The following KLHL4 variants were observed in gnomAD, a reference collection of about 807,000 sequenced individuals.
The protein encoded by KLHL4 is kelch like family member 4.
KLHL4 carries 17 observed loss-of-function variants against 45.8 expected under a neutral mutation model. That is an observed-to-expected ratio of 0.37 (90% CI 0.25 to 0.56). The LOEUF (loss-of-function observed/expected upper bound fraction) is 0.56, where lower values mean the gene tolerates loss of function less well. Ranked by LOEUF, KLHL4 falls within the 20% of genes least tolerant of loss-of-function variation. The probability of loss-of-function intolerance (pLI) is 0.79; values close to 1 mark genes in which losing one functional copy is unlikely to be tolerated. For synonymous variants in KLHL4, 224 were observed against 189.9 expected (o/e 1.18, Z -1.47); for missense variants, 544 against 544.9 (o/e 1.00, Z 0.02).
chrX:87,548,625 G>A (rs1354785808), intron 1 of KLHL4, among the ~76,000 whole-genome samples: 2 of 110,449 alleles, frequency 1.8e-5, no homozygotes, highest in Non-Finnish European at 1.9e-5. Context: ...TAAAAAGTTG[G>A]GGGATGAAGT....
intron 1 of KLHL4, among the ~76,000 whole-genome samples, chrX:87,545,489 C>G (rs1316222751): frequency 2.0e-5 from 2 of 98,864 alleles, no homozygotes; most frequent in African/African-American, 3.8e-5. Flanking sequence ...CCTGCCTCCC[C>G]CTCTGACATG....
Position 87,669,529 on chromosome X carries a change from A to G in KLHL4, c.*2995A>G. ...TTCCAAATGCAATATAGAAAAAAAA[A>G]CCCTGTGACTCTGGATTTTATTTTA... On this transcript the variant is annotated 3_prime_UTR_variant, in exon 11 of 11. Coordinates refer to ENST00000373119, the MANE Select transcript of KLHL4 (RefSeq NM_019117.5). The G allele has an allele frequency of 1.3e-6, 1 of 756,797 alleles. No homozygotes were observed. Among genetic ancestry groups the G allele is most frequent in the Non-Finnish European group, 1.8e-6 (1 of 552,709 alleles). 62.4% of individuals were successfully genotyped at this position (756,797 alleles called of 1,213,427 possible).
chrX:87,646,414 CA>C (rs1363263473), intron 9 of KLHL4, among the ~76,000 whole-genome samples: 1 of 110,850 alleles, frequency 9.0e-6, no homozygotes, highest in Non-Finnish European at 1.9e-5. Flanking sequence ...CCTATGAAAC[CA>C]AAAAAGAGCC....
At chrX:87,619,007 T>C (rs915497928) in intron 4 of KLHL4, among the ~76,000 whole-genome samples, 8 of 111,772 alleles carry the variant, frequency 7.2e-5, no homozygotes, top group Non-Finnish European at 1.3e-4. Flanking sequence ...ACAGAGGATA[T>C]TCAATAAAGC....
At chrX:87,611,466 T>C (rs757342934) in intron 1 of KLHL4, among the ~76,000 whole-genome samples, 7 of 110,734 alleles carry the variant, frequency 6.3e-5, no homozygotes, top group Non-Finnish European at 1.1e-4. Context: ...TAAGATTATA[T>C]GGGAGCTGAA....
chrX:87,633,453 C>T (rs1376560823), intron 7 of KLHL4, among the ~76,000 whole-genome samples: 2 of 111,063 alleles, frequency 1.8e-5, no homozygotes, highest in Non-Finnish European at 1.9e-5. Context: ...CCAGAAAAAG[C>T]CAGCTTTTTA....
chrX:87,532,876 A>T (rs1931329648), intron 1 of KLHL4, among the ~76,000 whole-genome samples: 1 of 111,125 alleles, frequency 9.0e-6, no homozygotes, highest in South Asian at 3.9e-4. Flanking sequence ...AAACAACCCC[A>T]TCAAAAAGTG....
At position 87,648,383 on chromosome X, in the gene KLHL4, G is replaced by A. The variant is rs185189680; in HGVS notation, c.1925+12608G>A. ...CAATCAAAACCATTGAAGCAAAGAA[G>A]GAGACAGCTTTTTCAGTTAGAACAG... is the stretch of plus-strand genomic sequence containing the variant. On this transcript the variant is annotated intron_variant, in intron 9 of 10. Coordinates refer to ENST00000373119, the MANE Select transcript of KLHL4 (RefSeq NM_019117.5). Among the ~76,000 whole-genome samples, 8 of 111,380 alleles carry A rather than the reference G, an allele frequency of 7.2e-5. 1 individual carries two copies. In the Admixed American group the frequency reaches 7.7e-4, roughly 11 times the overall value.
At chrX:87,591,467 T>C (rs888293413) in intron 1 of KLHL4, among the ~76,000 whole-genome samples, 3 of 111,973 alleles carry the variant, frequency 2.7e-5, no homozygotes, top group African/African-American at 9.7e-5. Context: ...ACTCATTATG[T>C]AATTTCTTAC....
At chrX:87,633,972 GACATGATCCATC>G in intron 8 of KLHL4, 61 bp downstream of exon 8, 1 of 937,673 alleles carries the variant, frequency 1.1e-6, no homozygotes, top group Non-Finnish European at 1.4e-6. Context: ...GAACTTCGGT[GACATGATCCATC>G]CAATCAATTA....
intron 1 of KLHL4, among the ~76,000 whole-genome samples, chrX:87,521,045 G>C (rs1050353081): frequency 4.5e-5 from 5 of 111,833 alleles, no homozygotes; most frequent in Admixed American, 9.6e-5. Context: ...TATGGGCCAA[G>C]AACATGCCCC....
At chrX:87,654,202 A>G (rs1432202288) in intron 9 of KLHL4, among the ~76,000 whole-genome samples, 2 of 111,943 alleles carry the variant, frequency 1.8e-5, no homozygotes, top group Non-Finnish European at 3.8e-5. Context: ...ACATGGACCT[A>G]TTGCAAAGTG....
chrX:87,625,080 C>T (rs1473424309), intron 5 of KLHL4, among the ~76,000 whole-genome samples: 1 of 112,704 alleles, frequency 8.9e-6, no homozygotes, highest in African/African-American at 3.2e-5. Flanking sequence ...TCTTTAACTG[C>T]TTTCAGCAAT....
Position 87,518,296 on chromosome X carries a change from A to G in KLHL4, c.403A>G (p.Ile135Val). 8.3e-7 allele frequency: 1 copy of G among 1,208,069 alleles called. No individual in the cohort carries two copies. Among genetic ancestry groups the G allele is most frequent in the Non-Finnish European group, 1.1e-6 (1 of 893,695 alleles). The change falls in exon 1 of 11, where the codon ATA becomes GTA. Residue 135 changes from isoleucine (I) to valine (V), a missense_variant. Transcript: ENST00000373119. Reference sequence around the variant, plus strand: ...TTTGGAGATGATGGCTGATGACAATATAGAAGATTCTACAGCAAGGTAAGA... The same window carrying G: ...TTTGGAGATGATGGCTGATGACAATGTAGAAGATTCTACAGCAAGGTAAGA... The part of the protein sequence containing the change: ...QDLEMMADDN[I>V]EDSTARLDTQ...
intron 1 of KLHL4, among the ~76,000 whole-genome samples, chrX:87,584,851 C>T (rs1181908354): frequency 1.1e-4 from 8 of 73,485 alleles, no homozygotes; most frequent in Admixed American, 1.8e-4. Flanking sequence ...AAAAGTTATC[C>T]GTATCCAAAA....
intron 1 of KLHL4, among the ~76,000 whole-genome samples, chrX:87,538,150 G>C (rs1931473606): frequency 9.0e-6 from 1 of 111,331 alleles, no homozygotes; most frequent in South Asian, 3.7e-4. Flanking sequence ...CCTTTCCTAA[G>C]ATGGGATGAA....
At chrX:87,627,983 C>T (rs1269301215) in intron 6 of KLHL4, among the ~76,000 whole-genome samples, 1 of 110,954 alleles carries the variant, frequency 9.0e-6, no homozygotes, top group Non-Finnish European at 1.9e-5. Context: ...AAATATGAAC[C>T]TATAATCTCT....
Position 87,667,800 on chromosome X carries a change from T to C in KLHL4, c.*1266T>C, listed in dbSNP as rs183643884. On this transcript the variant is annotated 3_prime_UTR_variant, in exon 11 of 11. Coordinates refer to ENST00000373119, the MANE Select transcript of KLHL4 (RefSeq NM_019117.5). ...TTTAAACAGTCTTTTTATTGTGGAT[T>C]GTGAAATCAAAATCTGGAGAAATGC... The C allele has an allele frequency of 1.5e-6, 1 of 675,998 alleles. No individual in the cohort carries two copies. Among genetic ancestry groups the C allele is most frequent in the African/African-American group, 2.4e-5 (1 of 41,914 alleles). The allele number at this position is 675,998 out of a possible 1,213,427, so 55.7% of individuals were successfully genotyped here.
intron 1 of KLHL4, among the ~76,000 whole-genome samples, chrX:87,581,484 AC>A (rs1921277487): frequency 9.0e-6 from 1 of 111,709 alleles, no homozygotes; most frequent in Non-Finnish European, 1.9e-5. Context: ...ACAGGTCAGT[AC>A]CCCCCTGGGA....
Sources: allele counts gnomAD v4.1 joint callset (sites outside exome capture counted in the v4.1 genomes callset), GRCh38; gene constraint gnomAD v4.1.1; transcripts MANE v1.5; gene names NCBI Gene and HGNC (gene_info 2026-07-23, HGNC 2026-07-21).